The following RAB3GAP1 variants were observed in gnomAD, a reference collection of about 807,000 sequenced individuals.
RAB3GAP1 encodes RAB3 GTPase activating protein catalytic subunit 1.
In RAB3GAP1, 86 loss-of-function variants were observed where a neutral mutation model predicts 130.7. The observed-to-expected ratio is 0.66, with a 90% confidence interval of 0.55 to 0.79. RAB3GAP1 has a LOEUF of 0.79. Among genes scored for constraint, RAB3GAP1 ranks in the 30% least tolerant of loss-of-function variants. RAB3GAP1 has a pLI of 0.00. For missense variants in RAB3GAP1, 1,029 were observed against 1,169.4 expected (o/e 0.88, Z 1.75); for synonymous variants, 367 against 401.7 (o/e 0.91, Z 1.03).
intron 3 of RAB3GAP1, among the ~76,000 whole-genome samples, chr2:135,077,268 T>TCAA (rs111433011): frequency 0.011 from 1,672 of 151,466 alleles, 12 homozygotes; most frequent in African/African-American, 0.028. Flanking sequence ...AGACTCCATC[T>TCAA]CAACAACAAC....
At chr2:135,168,143 A>C (rs1048768723) in intron 23 of RAB3GAP1, among the ~76,000 whole-genome samples, 1 of 152,244 alleles carries the variant, frequency 6.6e-6, no homozygotes, top group Non-Finnish European at 1.5e-5. Context: ...CCCAGAGTCA[A>C]GATGAAAATC....
intron 7 of RAB3GAP1, 111 bp downstream of exon 7, chr2:135,115,492 TG>T (rs1259401795): frequency 9.2e-7 from 1 of 1,090,262 alleles, no homozygotes; most frequent in Non-Finnish European, 1.3e-6. Flanking sequence ...ATAATGTAAT[TG>T]CTTAGAAGAA....
downstream of RAB3GAP1, among the ~76,000 whole-genome samples, chr2:135,173,077 C>T (rs1212890610): frequency 6.6e-6 from 1 of 152,080 alleles, no homozygotes; most frequent in Admixed American, 6.5e-5. Flanking sequence ...TGGGCCTGGA[C>T]CACCAGCTAA....
chr2:135,132,467 A>G (rs1691577021), intron 13 of RAB3GAP1, among the ~76,000 whole-genome samples: 1 of 152,314 alleles, frequency 6.6e-6, no homozygotes, highest in East Asian at 1.9e-4. Flanking sequence ...AGTAGTCTAT[A>G]TATGAAAGCC....
chr2:135,103,034 G>GTTTTTT (rs1355666279), intron 5 of RAB3GAP1, among the ~76,000 whole-genome samples: 2 of 100,476 alleles, frequency 2.0e-5, no homozygotes, highest in South Asian at 3.6e-4. Flanking sequence ...TCATTTTTGT[G>GTTTTTT]ATTTTTTTTT....
chr2:135,052,327 T>C lies in RAB3GAP1; in HGVS notation c.18+2T>C, dbSNP rs776095663. ...CTCAAGATGGCTGCCGACAGTGAGG[T>C]GATTTCTTTGCTCCCTACTTAATCC... On this transcript the variant is annotated splice_donor_variant, in intron 1 of 23. Coordinates refer to ENST00000264158, the MANE Select transcript of RAB3GAP1 (RefSeq NM_012233.3). LOFTEE classifies it high-confidence loss of function. 10 of 1,613,702 alleles carry C rather than the reference T, an allele frequency of 6.2e-6. No homozygotes were observed. The highest frequency in any genetic ancestry group is 7.6e-6 in the Non-Finnish European group (9 of 1,180,018).
chr2:135,077,066 T>C (rs1232536858), intron 3 of RAB3GAP1, among the ~76,000 whole-genome samples: 1 of 152,150 alleles, frequency 6.6e-6, no homozygotes, highest in Admixed American at 6.5e-5. Flanking sequence ...GTTCAGGAGT[T>C]TGACACCAGC....
At chr2:135,117,777 GCTT>G (rs1189014539) in intron 7 of RAB3GAP1, among the ~76,000 whole-genome samples, 5 of 67,522 alleles carry the variant, frequency 7.4e-5, no homozygotes, top group South Asian at 5.0e-4. Flanking sequence ...TGCTTCTTCT[GCTT>G]CTTCTGCTTC....
In RAB3GAP1 at chr2:135,099,655, A is replaced by AT. The variant is rs111639461; in HGVS notation, c.362+5975dup. On this transcript the variant is annotated intron_variant, in intron 5 of 23. Coordinates refer to ENST00000264158, the MANE Select transcript of RAB3GAP1 (RefSeq NM_012233.3). ...TTTATTTTCTTTGAGAGAGTGTAAA[A>AT]TTTTTTTTTTTTTAACCGTTTGATA... is the stretch of plus-strand genomic sequence containing the variant. 5.9e-4 allele frequency among the ~76,000 whole-genome samples: 86 copies of AT among 146,184 alleles called. No individual in the cohort carries two copies. In the South Asian group the frequency reaches 7.4e-3, roughly 13 times the overall value.
In RAB3GAP1 at chr2:135,162,861, A is replaced by T; in HGVS notation, c.2490+10A>T. Reference sequence around the variant, plus strand: ...AGACAAGAAATTGGAAGTAAGTTTGATGTAGTGTCAGAATCTTGCCAAGTG... The same window carrying T: ...AGACAAGAAATTGGAAGTAAGTTTGTTGTAGTGTCAGAATCTTGCCAAGTG... On this transcript the variant is annotated intron_variant, in intron 21 of 23. Coordinates refer to ENST00000264158, the MANE Select transcript of RAB3GAP1 (RefSeq NM_012233.3). The T allele has an allele frequency of 6.2e-7, 1 of 1,601,940 alleles. No homozygotes were observed. The highest frequency in any genetic ancestry group is 8.6e-7 in the Non-Finnish European group (1 of 1,168,950).
intron 15 of RAB3GAP1, among the ~76,000 whole-genome samples, chr2:135,134,918 T>G (rs913662969): frequency 1.3e-5 from 2 of 152,178 alleles, no homozygotes; most frequent in African/African-American, 2.4e-5. Flanking sequence ...CAAACTGATT[T>G]ATTTTGTATG....
chr2:135,072,079 C>T (rs984609907), intron 3 of RAB3GAP1, among the ~76,000 whole-genome samples: 5 of 152,144 alleles, frequency 3.3e-5, no homozygotes, highest in Admixed American at 1.3e-4. Context: ...TGCCTGGCTA[C>T]TTTGTTGTAT....
intron 3 of RAB3GAP1, chr2:135,058,415 GTTTTT>G (rs1689082491): frequency 1.1e-5 from 2 of 186,814 alleles, no homozygotes; most frequent in Admixed American, 1.2e-4. Flanking sequence ...GTTTTTAAAA[GTTTTT>G]TATTTGGTCA....
At chr2:135,061,201 G>T (rs989820080) in intron 3 of RAB3GAP1, among the ~76,000 whole-genome samples, 4 of 151,916 alleles carry the variant, frequency 2.6e-5, no homozygotes, top group East Asian at 1.9e-4. Context: ...AATATACATG[G>T]TTTCTTTCAC....
intron 5 of RAB3GAP1, among the ~76,000 whole-genome samples, chr2:135,099,431 CTGTGTGTGTG>C (rs141856311): frequency 2.8e-5 from 4 of 142,490 alleles, no homozygotes; most frequent in Admixed American, 7.0e-5. Flanking sequence ...ATTTGTATTT[CTGTGTGTGTG>C]TGTGTGTGTG....
Position 135,169,785 on chromosome 2 carries a change from C to T in RAB3GAP1, c.*1004C>T. On this transcript the variant is annotated 3_prime_UTR_variant, in exon 24 of 24. Coordinates refer to ENST00000264158, the MANE Select transcript of RAB3GAP1 (RefSeq NM_012233.3). ...CCCCCCCGTGTGAGGATGACATCAC[C>T]ACATTTCTAGTTTCATGGAGCTCAA... 2.2e-6 allele frequency: 1 copy of T among 455,558 alleles called. No homozygotes were observed. Among genetic ancestry groups the T allele is most frequent in the Non-Finnish European group, 4.4e-6 (1 of 226,448 alleles). 28.2% of individuals were successfully genotyped at this position (455,558 alleles called of 1,614,324 possible). A position where few individuals can be genotyped will look rare whatever the true frequency, so the allele number is the denominator to read the frequency against.
intron 5 of RAB3GAP1, among the ~76,000 whole-genome samples, chr2:135,105,934 A>G: frequency 6.7e-6 from 1 of 148,266 alleles, no homozygotes; most frequent in Non-Finnish European, 1.5e-5. Context: ...CCGTCTGAGA[A>G]GTGAGGAGCC....
intron 7 of RAB3GAP1, among the ~76,000 whole-genome samples, chr2:135,118,135 G>A (rs1001824844): frequency 6.6e-6 from 1 of 152,046 alleles, no homozygotes; most frequent in Non-Finnish European, 1.5e-5. Context: ...ATGAGCCACC[G>A]CGCTGGGCCT....
At chr2:135,158,389 G>A (rs1692375524) in intron 19 of RAB3GAP1, among the ~76,000 whole-genome samples, 1 of 152,060 alleles carries the variant, frequency 6.6e-6, no homozygotes, top group African/African-American at 2.4e-5. Flanking sequence ...AAAAAGATGG[G>A]GGCATTTCAT....
Sources: gnomAD v4.1 joint callset for allele counts (sites outside exome capture counted in the v4.1 genomes callset) on GRCh38, gnomAD v4.1.1 for gene constraint, MANE v1.5 for transcripts, NCBI Gene and HGNC (gene_info 2026-07-23, HGNC 2026-07-21) for gene names.